Variants in NBEA observed in about 807,000 individuals in gnomAD.
NBEA encodes lysosomal-trafficking regulator 2.
A neutral mutation model predicts 343.4 loss-of-function variants in NBEA; 44 were observed. The ratio of observed to expected loss-of-function variants is 0.13; its 90% CI spans 0.10 to 0.16. The LOEUF (loss-of-function observed/expected upper bound fraction) is 0.16, where lower values mean the gene tolerates loss of function less well. NBEA is among the 10% of genes least tolerant of loss of function. NBEA has a pLI of 1.00. For missense variants in NBEA, 2,555 were observed against 3,631.3 expected (o/e 0.70, Z 7.62); for synonymous variants, 1,175 against 1,238.7 (o/e 0.95, Z 1.08).
intron 11 of NBEA, among the ~76,000 whole-genome samples, chr13:35,104,205 A>G (rs2065800309): frequency 6.6e-6 from 1 of 151,876 alleles, no homozygotes; most frequent in Admixed American, 6.6e-5. Context: ...TCTATGCTTC[A>G]TTCAGGATTT....
rs370316284 is a variant in NBEA at position 35,313,213 on chromosome 13, T to C, written c.5903+3621T>C. Among the ~76,000 whole-genome samples the C allele has an allele frequency of 9.2e-5, 14 of 152,318 alleles. No individual in the cohort carries two copies. In the East Asian group the frequency reaches 2.3e-3, roughly 25 times the overall value. ...CACAGAGGCTCCCCTGACTATCTTA[T>C]ATAGTTGTTACACTCCCATGACATA... On this transcript the variant is annotated intron_variant, in intron 36 of 58. Transcript: ENST00000379939.
chr13:35,267,007 A>T (rs1271229865), intron 34 of NBEA, among the ~76,000 whole-genome samples: 1 of 151,984 alleles, frequency 6.6e-6, no homozygotes, highest in East Asian at 1.9e-4. Context: ...AAATGTTATT[A>T]AGAAGATTAT....
At chr13:35,625,228 T>C (rs2083169869) in intron 48 of NBEA, among the ~76,000 whole-genome samples, 1 of 152,184 alleles carries the variant, frequency 6.6e-6, no homozygotes, top group South Asian at 2.1e-4. Context: ...TAAGAAAATA[T>C]ATCCAACAAA....
chr13:35,538,905 T>C (rs1314167482), intron 41 of NBEA, among the ~76,000 whole-genome samples: 2 of 152,228 alleles, frequency 1.3e-5, no homozygotes, highest in East Asian at 3.8e-4. Context: ...ATAAACATGG[T>C]ACAAAGGAAC....
At chr13:34,992,894 A>C (rs1241508828) in intron 1 of NBEA, among the ~76,000 whole-genome samples, 11 of 148,112 alleles carry the variant, frequency 7.4e-5, no homozygotes, top group Admixed American at 6.1e-4. Context: ...CGTATTAGCC[A>C]GGATGGTCTC....
At chr13:35,133,455 ATATACT>A (rs1196980579) in intron 17 of NBEA, among the ~76,000 whole-genome samples, 12 of 152,266 alleles carry the variant, frequency 7.9e-5, no homozygotes, top group East Asian at 7.7e-4. Context: ...AAAAAGATAA[ATATACT>A]TATACTCTAT....
intron 41 of NBEA, among the ~76,000 whole-genome samples, chr13:35,543,568 A>G (rs559552956): frequency 6.6e-6 from 1 of 152,254 alleles, no homozygotes; most frequent in African/African-American, 2.4e-5. Flanking sequence ...TCACTTTCCA[A>G]TGCCTCCATC....
chr13:35,385,995 A>G (rs2042225826), intron 38 of NBEA, among the ~76,000 whole-genome samples: 1 of 152,142 alleles, frequency 6.6e-6, no homozygotes, highest in African/African-American at 2.4e-5. Flanking sequence ...TATTTCAGGT[A>G]ATTACATTAA....
intron 36 of NBEA, among the ~76,000 whole-genome samples, chr13:35,313,437 T>C (rs906124581): frequency 2.0e-5 from 3 of 152,196 alleles, no homozygotes; most frequent in African/African-American, 7.2e-5. Flanking sequence ...TTATTTGCCC[T>C]GTTAAATGAA....
intron 17 of NBEA, among the ~76,000 whole-genome samples, chr13:35,130,994 A>G (rs778129315): frequency 2.6e-5 from 4 of 152,090 alleles, no homozygotes; most frequent in Admixed American, 1.3e-4. Flanking sequence ...GAGAAAATTC[A>G]TAGTTGTGAA....
intron 37 of NBEA, among the ~76,000 whole-genome samples, chr13:35,350,750 G>A (rs1207765531): frequency 6.6e-6 from 1 of 151,008 alleles, no homozygotes; most frequent in South Asian, 2.1e-4. Context: ...GTGTGTGTGT[G>A]TGTGTGTGTG....
intron 1 of NBEA, among the ~76,000 whole-genome samples, chr13:35,002,761 A>C (rs535151588): frequency 3.9e-5 from 6 of 152,204 alleles, no homozygotes; most frequent in Non-Finnish European, 8.8e-5. Flanking sequence ...TGTAGTATAC[A>C]AATCTGTTTC....
chr13:35,239,635 T>C (rs1016526413), intron 34 of NBEA, among the ~76,000 whole-genome samples: 1 of 152,112 alleles, frequency 6.6e-6, no homozygotes, highest in African/African-American at 2.4e-5. Flanking sequence ...GACATTTTCA[T>C]GTAAACTTAT....
chr13:35,167,050 T>C (rs1307116234), intron 24 of NBEA, among the ~76,000 whole-genome samples: 3 of 152,030 alleles, frequency 2.0e-5, no homozygotes, highest in Non-Finnish European at 4.4e-5. Context: ...TATATATATA[T>C]AGTTTTTCAG....
chr13:35,186,929 A>T (rs564757665), intron 30 of NBEA, among the ~76,000 whole-genome samples: 56 of 151,924 alleles, frequency 3.7e-4, no homozygotes, highest in Non-Finnish European at 6.8e-4. Flanking sequence ...TTGATATGTA[A>T]TTTTATGTCT....
intron 48 of NBEA, among the ~76,000 whole-genome samples, chr13:35,620,962 T>C (rs2082961527): frequency 1.3e-5 from 2 of 151,888 alleles, no homozygotes; most frequent in Non-Finnish European, 2.9e-5. Context: ...TTTTAGAGAG[T>C]TCAGCTAAAA....
chr13:35,218,181 G>C (rs1238433659), intron 33 of NBEA, among the ~76,000 whole-genome samples: 1 of 152,066 alleles, frequency 6.6e-6, no homozygotes, highest in African/African-American at 2.4e-5. Context: ...CCTGAAAATA[G>C]TTGTTCCCTG....
chr13:35,508,508 G>GA (rs950411641), intron 41 of NBEA, among the ~76,000 whole-genome samples: 3 of 152,178 alleles, frequency 2.0e-5, no homozygotes, highest in East Asian at 1.9e-4. Context: ...TAGTAGCAGT[G>GA]AAAAAAACAG....
intron 41 of NBEA, chr13:35,475,565 T>G (rs1169952893): frequency 6.2e-7 from 1 of 1,613,244 alleles, no homozygotes; most frequent in Non-Finnish European, 8.5e-7. Context: ...GGCCAGGGGA[T>G]GTGGGGAAGT....
Sources: allele counts gnomAD v4.1 joint callset (sites outside exome capture counted in the v4.1 genomes callset), GRCh38; gene constraint gnomAD v4.1.1; transcripts MANE v1.5; gene names NCBI Gene and HGNC (gene_info 2026-07-23, HGNC 2026-07-21).